HRH1: variants seen among roughly 807,000 people sequenced by gnomAD.
HRH1 encodes histamine receptor H1.
Under a neutral mutation model 10.3 loss-of-function variants are expected in HRH1, and 6 were observed. That is an observed-to-expected ratio of 0.58 (90% CI 0.32 to 1.15). The LOEUF is 1.15. HRH1 is among the 50% of genes most tolerant of loss of function. The pLI is 0.05. For missense variants in HRH1, 514 were observed against 615.3 expected (o/e 0.84, Z 1.74); for synonymous variants, 242 against 236.7 (o/e 1.02, Z -0.21).
intron 1 of HRH1, among the ~76,000 whole-genome samples, chr3:11,176,972 A>G (rs1937260749): frequency 6.6e-6 from 1 of 152,152 alleles, no homozygotes; most frequent in East Asian, 1.9e-4. Context: ...ACACGCCTGT[A>G]ATCCCAACTA....
intron 1 of HRH1, among the ~76,000 whole-genome samples, chr3:11,237,278 C>A (rs1939206302): frequency 6.6e-6 from 1 of 152,200 alleles, no homozygotes; most frequent in Non-Finnish European, 1.5e-5. Context: ...CTCACGTTAG[C>A]ACGGATGTCC....
intron 1 of HRH1, among the ~76,000 whole-genome samples, chr3:11,236,131 C>G (rs1366173411): frequency 1.3e-5 from 2 of 152,206 alleles, no homozygotes. Context: ...CTCAATCTTC[C>G]TGAAAGAAGA....
At chr3:11,241,572 G>A (rs1258460671) in intron 1 of HRH1, among the ~76,000 whole-genome samples, 4 of 152,094 alleles carry the variant, frequency 2.6e-5, no homozygotes, top group Non-Finnish European at 4.4e-5. Context: ...GGTGGCTCAC[G>A]CCTGTAATCC....
chr3:11,224,718 A>C lies in HRH1; in HGVS notation c.-35-34285A>C, dbSNP rs549467917. On this transcript the variant is annotated intron_variant, in intron 1 of 1. Coordinates refer to ENST00000431010, the MANE Select transcript of HRH1 (RefSeq NM_001098212.2). ...CCATCTCAAAAAAAAAAAAAAAAAG[A>C]AATTGGATGTTGGAGTCAGGCAGCC... Among the ~76,000 whole-genome samples, 431 of 151,104 alleles carry C rather than the reference A, an allele frequency of 2.9e-3. 1 individual carries two copies. The highest frequency in any genetic ancestry group is 4.6e-3 in the Non-Finnish European group (312 of 67,832).
At chr3:11,209,266 A>G (rs1004811684) in intron 1 of HRH1, among the ~76,000 whole-genome samples, 3 of 151,930 alleles carry the variant, frequency 2.0e-5, no homozygotes, top group African/African-American at 7.3e-5. Context: ...TAGTTTTTAT[A>G]TTTTTTGTAG....
intron 1 of HRH1, among the ~76,000 whole-genome samples, chr3:11,206,693 A>G (rs1938140304): frequency 6.6e-6 from 1 of 152,248 alleles, no homozygotes; most frequent in Non-Finnish European, 1.5e-5. Flanking sequence ...TACAGCTGGC[A>G]AGGGGTGCCC....
chr3:11,244,213 A>G (rs1429594935), intron 1 of HRH1, among the ~76,000 whole-genome samples: 2 of 152,236 alleles, frequency 1.3e-5, no homozygotes, highest in South Asian at 2.1e-4. Context: ...CCAGCCAGCT[A>G]GAAGAATGAA....
intron 1 of HRH1, among the ~76,000 whole-genome samples, chr3:11,231,824 T>G (rs1388762258): frequency 1.3e-5 from 2 of 152,176 alleles, no homozygotes; most frequent in African/African-American, 4.8e-5. Context: ...AAAATTTTCC[T>G]TTTGATGGGG....
In HRH1 at chr3:11,262,212, G is replaced by A. The variant is rs967518537; in HGVS notation, c.*1711G>A. Reference sequence around the variant, plus strand: ...ATATGGAGTGCCTGTACAAGCTGATGTTTTGTATTTTGTGTTCCTCTTTGC... The same window carrying A: ...ATATGGAGTGCCTGTACAAGCTGATATTTTGTATTTTGTGTTCCTCTTTGC... On this transcript the variant is annotated 3_prime_UTR_variant, in exon 2 of 2. Transcript: ENST00000431010. 6.0e-6 allele frequency: 1 copy of A among 167,060 alleles called. No homozygotes were observed. The highest frequency in any genetic ancestry group is 2.4e-5 in the African/African-American group (1 of 41,452). 10.3% of individuals were successfully genotyped at this position (167,060 alleles called of 1,614,324 possible).
At chr3:11,171,449 C>G (rs942541310) in intron 1 of HRH1, among the ~76,000 whole-genome samples, 7 of 152,094 alleles carry the variant, frequency 4.6e-5, no homozygotes, top group Non-Finnish European at 8.8e-5. Context: ...CATTCATTCT[C>G]TGGGATCTTG....
chr3:11,161,929 A>G (rs1425143438), intron 1 of HRH1, among the ~76,000 whole-genome samples: 2 of 152,170 alleles, frequency 1.3e-5, no homozygotes, highest in Non-Finnish European at 2.9e-5. Flanking sequence ...CTCTGTACCA[A>G]TCGAGAATGA....
At chr3:11,258,241 C>CA (rs1939835475) in intron 1 of HRH1, among the ~76,000 whole-genome samples, 1 of 40,856 alleles carries the variant, frequency 2.4e-5, no homozygotes, top group Non-Finnish European at 3.8e-5. Flanking sequence ...GTGATGTAAG[C>CA]CAAAAAAAAA....
At chr3:11,246,604 A>T (rs1040513533) in intron 1 of HRH1, among the ~76,000 whole-genome samples, 2 of 152,192 alleles carry the variant, frequency 1.3e-5, no homozygotes, top group Admixed American at 6.5e-5. Flanking sequence ...CTATTTTTTT[A>T]TTCATTTCAC....
chr3:11,230,462 G>A (rs1380758649), intron 1 of HRH1, among the ~76,000 whole-genome samples: 1 of 152,144 alleles, frequency 6.6e-6, no homozygotes, highest in African/African-American at 2.4e-5. Flanking sequence ...GGATCCCAGT[G>A]TACGATATAT....
chr3:11,202,889 C>T (rs1256682492), intron 1 of HRH1, among the ~76,000 whole-genome samples: 1 of 152,156 alleles, frequency 6.6e-6, no homozygotes, highest in East Asian at 1.9e-4. Flanking sequence ...TCCTAAAAAT[C>T]ATCTGTGATC....
At chr3:11,180,581 G>T (rs1220616967) in intron 1 of HRH1, among the ~76,000 whole-genome samples, 2 of 152,128 alleles carry the variant, frequency 1.3e-5, no homozygotes, top group Non-Finnish European at 2.9e-5. Context: ...CCGGTCCGCA[G>T]CCCAGGGGTT....
In HRH1 at chr3:11,263,289, A is replaced by G. The variant is rs1940004406; in HGVS notation, c.*2788A>G. Reference sequence around the variant, plus strand: ...GGACAATCTCTGACCTCTTTTGAAGATGGGCACTGCATGGACTTCCAGGAG... The same window carrying G: ...GGACAATCTCTGACCTCTTTTGAAGGTGGGCACTGCATGGACTTCCAGGAG... On this transcript the variant is annotated 3_prime_UTR_variant, in exon 2 of 2. Transcript: ENST00000431010. 1 of 167,092 alleles carries G rather than the reference A, an allele frequency of 6.0e-6. No individual in the cohort carries two copies. Among genetic ancestry groups the G allele is most frequent in the African/African-American group, 2.4e-5 (1 of 41,450 alleles). The allele number at this position is 167,092 out of a possible 1,614,324, so 10.4% of individuals were successfully genotyped here.
intron 1 of HRH1, among the ~76,000 whole-genome samples, chr3:11,215,475 C>T (rs1447770381): frequency 6.6e-6 from 1 of 152,152 alleles, no homozygotes; most frequent in Non-Finnish European, 1.5e-5. Flanking sequence ...GAGTCTCGCT[C>T]TATCGCCCAG....
At chr3:11,146,802 T>C (rs6765039) in intron 1 of HRH1, among the ~76,000 whole-genome samples, 17,341 of 152,248 alleles carry the variant, frequency 0.11, 1,152 homozygotes, top group East Asian at 0.23. Context: ...GAATTCTCTG[T>C]GTCCTGGCAG....
Sources: allele counts gnomAD v4.1 joint callset (sites outside exome capture counted in the v4.1 genomes callset), GRCh38; gene constraint gnomAD v4.1.1; transcripts MANE v1.5; gene names NCBI Gene and HGNC (gene_info 2026-07-23, HGNC 2026-07-21).